Variants in FECH observed in about 807,000 individuals in gnomAD.
The protein encoded by FECH is ferrochelatase, mitochondrial.
Under a neutral mutation model 56.9 loss-of-function variants are expected in FECH, and 40 were observed. That is an observed-to-expected ratio of 0.70 (90% CI 0.55 to 0.92). The LOEUF (loss-of-function observed/expected upper bound fraction) is 0.92, where lower values mean the gene tolerates loss of function less well. Among genes scored for constraint, FECH ranks in the 40% least tolerant of loss-of-function variants. The pLI is 0.00. For missense variants in FECH, 431 were observed against 529.1 expected (o/e 0.81, Z 1.82); for synonymous variants, 175 against 198.6 (o/e 0.88, Z 1.00).
intron 1 of FECH, among the ~76,000 whole-genome samples, 154 bp from the exon 2 acceptor site, chr18:57,580,353 T>G (rs2051259353): frequency 6.6e-6 from 1 of 152,152 alleles, no homozygotes; most frequent in African/African-American, 2.4e-5. Flanking sequence ...GTAAAGGAAC[T>G]TAAGCCCTCT....
At chr18:57,552,487 A>C (rs891617865) in intron 9 of FECH, among the ~76,000 whole-genome samples, 1 of 151,420 alleles carries the variant, frequency 6.6e-6, no homozygotes, top group Non-Finnish European at 1.5e-5. Flanking sequence ...TGCAACCTCC[A>C]CCTCCCAGAT....
intron 9 of FECH, among the ~76,000 whole-genome samples, chr18:57,551,763 T>C (rs908005224): frequency 6.6e-6 from 1 of 152,374 alleles, no homozygotes; most frequent in Non-Finnish European, 1.5e-5. Flanking sequence ...ACTGTAAATA[T>C]AGTTTCATAC....
At chr18:57,581,772 T>C (rs890758843) in intron 1 of FECH, among the ~76,000 whole-genome samples, 1 of 152,218 alleles carries the variant, frequency 6.6e-6, no homozygotes, top group Admixed American at 6.5e-5. Context: ...TTAGTTTCAA[T>C]TGTCAGTTTC....
Position 57,586,421 on chromosome 18 carries a change from C to T in FECH, c.67+133G>A, listed in dbSNP as rs368702256. 2.7e-4 allele frequency: 270 copies of T among 988,306 alleles called. 1 individual carries two copies. The East Asian group carries it at 7.0e-3, about 25-fold the overall frequency. The allele number at this position is 988,306 out of a possible 1,614,324, so 61.2% of individuals were successfully genotyped here. On this transcript the variant is annotated intron_variant, in intron 1 of 10. Coordinates refer to ENST00000262093, the MANE Select transcript of FECH (RefSeq NM_000140.5). ...CTCCCTTCTCCGCGACGCCCCTCGC[C>T]CGGTTGCTCGCAGCACCCCCAAGGC...
chr18:57,551,491 C>T (rs1445958147), intron 9 of FECH, 117 bp from the exon 10 acceptor site: 3 of 777,958 alleles, frequency 3.9e-6, no homozygotes, highest in Non-Finnish European at 6.6e-6. Context: ...AATTCAAAGT[C>T]TGACTTCAAC....
chr18:57,555,920 G>C (rs2050861660), intron 7 of FECH, among the ~76,000 whole-genome samples: 1 of 152,234 alleles, frequency 6.6e-6, no homozygotes, highest in African/African-American at 2.4e-5. Context: ...CCTGAGGTCA[G>C]GAGTTCGAGA....
intron 8 of FECH, 69 bp downstream of exon 8, chr18:57,554,776 C>T: frequency 7.7e-7 from 1 of 1,305,706 alleles, no homozygotes; most frequent in South Asian, 1.2e-5. Context: ...CAAATCTAAC[C>T]ATTTTATAAC....
At position 57,545,883 on chromosome 18, in the gene FECH, G is replaced by A. The variant is rs565989254; in HGVS notation, c.*4829C>T. On this transcript the variant is annotated 3_prime_UTR_variant, in exon 11 of 11. Transcript: ENST00000262093. ...AGATATGCAGGATAAATATGTTCTGGGGATCTAACATACAGCATGGCGAAT... is the reference window on the plus strand; with the variant it reads ...AGATATGCAGGATAAATATGTTCTGAGGATCTAACATACAGCATGGCGAAT... 9.7e-4 allele frequency among the ~76,000 whole-genome samples: 147 copies of A among 152,266 alleles called. No homozygotes were observed. Among genetic ancestry groups the A allele is most frequent in the Middle Eastern group, 6.8e-3 (2 of 294 alleles).
chr18:57,585,870 T>C (rs555660047), intron 1 of FECH: 1 of 152,328 alleles, frequency 6.6e-6, no homozygotes, highest in East Asian at 1.9e-4. Flanking sequence ...TTACCAAAGC[T>C]CTGGCGAGGT....
intron 2 of FECH, among the ~76,000 whole-genome samples, chr18:57,573,632 C>A (rs1007927646): frequency 1.3e-5 from 2 of 152,142 alleles, no homozygotes; most frequent in Admixed American, 1.3e-4. Flanking sequence ...TTTAAAGTCT[C>A]GGCCTGAAGA....
chr18:57,557,702 C>T (rs2050886561), intron 7 of FECH, among the ~76,000 whole-genome samples: 1 of 152,072 alleles, frequency 6.6e-6, no homozygotes, highest in Non-Finnish European at 1.5e-5. Flanking sequence ...GAGGCTGTGG[C>T]AGGAGAATCG....
intron 4 of FECH, among the ~76,000 whole-genome samples, chr18:57,567,175 A>G (rs968429822): frequency 6.6e-6 from 1 of 152,068 alleles, no homozygotes; most frequent in Non-Finnish European, 1.5e-5. Flanking sequence ...TCGTTTATAT[A>G]AAAAAATGCA....
chr18:57,554,773 A>T, intron 8 of FECH, 72 bp downstream of exon 8: 1 of 1,295,454 alleles, frequency 7.7e-7, no homozygotes, highest in South Asian at 1.2e-5. Flanking sequence ...AGCCAAATCT[A>T]ACCATTTTAT....
At chr18:57,578,750 A>C (rs1011453870) in intron 2 of FECH, among the ~76,000 whole-genome samples, 1 of 151,968 alleles carries the variant, frequency 6.6e-6, no homozygotes, top group Admixed American at 6.6e-5. Flanking sequence ...ACTTGAAGTC[A>C]GGAGTTCGAG....
intron 6 of FECH, 22 bp downstream of exon 6, chr18:57,562,852 C>A: frequency 6.3e-7 from 1 of 1,594,392 alleles, no homozygotes; most frequent in Non-Finnish European, 8.6e-7. Context: ...GGGTGACAGG[C>A]AGCTGGCAAG....
At chr18:57,583,698 C>T (rs1387286748) in intron 1 of FECH, among the ~76,000 whole-genome samples, 3 of 152,148 alleles carry the variant, frequency 2.0e-5, no homozygotes, top group African/African-American at 4.8e-5. Context: ...TGGGGGCTCA[C>T]GCCTGTAATT....
At chr18:57,570,819 T>C (rs1156415860) in intron 4 of FECH, among the ~76,000 whole-genome samples, 1 of 152,238 alleles carries the variant, frequency 6.6e-6, no homozygotes, top group African/African-American at 2.4e-5. Context: ...TTCTGCACAC[T>C]ATTATTCTGG....
At chr18:57,556,571 G>T (rs1188821151) in intron 7 of FECH, among the ~76,000 whole-genome samples, 1 of 151,994 alleles carries the variant, frequency 6.6e-6, no homozygotes, top group African/African-American at 2.4e-5. Flanking sequence ...CCAGATGGAG[G>T]GACGCACCAG....
intron 5 of FECH, among the ~76,000 whole-genome samples, chr18:57,563,578 CCCAAAA>C (rs1304311635): frequency 6.4e-4 from 7 of 10,954 alleles, no homozygotes; most frequent in Admixed American, 1.3e-3. Context: ...GAAACTCCGT[CCCAAAA>C]AAAAAAAAAA....
Sources: allele counts gnomAD v4.1 joint callset (sites outside exome capture counted in the v4.1 genomes callset), GRCh38; gene constraint gnomAD v4.1.1; transcripts MANE v1.5; gene names NCBI Gene and HGNC (gene_info 2026-07-23, HGNC 2026-07-21).